Variants in ERBB4 observed in about 807,000 individuals in gnomAD.
ERBB4 encodes erb-b2 receptor tyrosine kinase 4.
In ERBB4, 42 loss-of-function variants were observed where a neutral mutation model predicts 158.0. That is an observed-to-expected ratio of 0.27 (90% CI 0.21 to 0.34). The LOEUF (loss-of-function observed/expected upper bound fraction) is 0.34, where lower values mean the gene tolerates loss of function less well. ERBB4 is among the 10% of genes least tolerant of loss of function. The probability of loss-of-function intolerance (pLI) is 1.00; values close to 1 mark genes in which losing one functional copy is unlikely to be tolerated. For synonymous variants in ERBB4, 583 were observed against 558.7 expected, an observed-to-expected ratio of 1.04 and a Z score of -0.61; for missense variants, 1,333 against 1,624.1, an observed-to-expected ratio of 0.82 and a Z score of 3.08.
intron 3 of ERBB4, among the ~76,000 whole-genome samples, chr2:211,918,414 C>CTG (rs1252915567): frequency 6.6e-6 from 1 of 152,080 alleles, no homozygotes; most frequent in Non-Finnish European, 1.5e-5. Flanking sequence ...AGAAACTGGT[C>CTG]TGTAACCTTC....
chr2:211,954,126 C>T (rs928571115), intron 2 of ERBB4, among the ~76,000 whole-genome samples: 4 of 151,944 alleles, frequency 2.6e-5, no homozygotes, highest in Non-Finnish European at 4.4e-5. Context: ...TGATATAAAT[C>T]CCTAATTCTT....
In ERBB4 at chr2:211,434,760, G is replaced by A. The variant is rs569653224; in HGVS notation, c.2488-3660C>T. Among the ~76,000 whole-genome samples, 16 of 152,268 alleles carry A rather than the reference G, an allele frequency of 1.1e-4. No homozygotes were observed. In the South Asian group the frequency reaches 2.7e-3, roughly 26 times the overall value. On this transcript the variant is annotated intron_variant, in intron 20 of 27. Transcript: ENST00000342788. ...ATCAATTTTTAAAAACTAGGTGACA[G>A]TCTCTAGACAGTTTCCCTCACCCAC...
At chr2:211,477,692 T>C (rs370812595) in intron 20 of ERBB4, among the ~76,000 whole-genome samples, 1 of 151,812 alleles carries the variant, frequency 6.6e-6, no homozygotes, top group Non-Finnish European at 1.5e-5. Flanking sequence ...AGAAGGAGGA[T>C]AATAGTCACT....
At chr2:212,514,112 C>T (rs1407998314) in intron 1 of ERBB4, among the ~76,000 whole-genome samples, 2 of 151,902 alleles carry the variant, frequency 1.3e-5, no homozygotes, top group Non-Finnish European at 2.9e-5. Context: ...ACTTTTTTCT[C>T]ACTTTATTTA....
chr2:211,915,455 A>C (rs888018628), intron 3 of ERBB4, among the ~76,000 whole-genome samples: 6 of 150,820 alleles, frequency 4.0e-5, no homozygotes, highest in African/African-American at 9.7e-5. Flanking sequence ...ATATATATAT[A>C]TCTCCAATAC....
chr2:212,299,749 A>C (rs1347242021), intron 1 of ERBB4, among the ~76,000 whole-genome samples: 3 of 151,678 alleles, frequency 2.0e-5, no homozygotes, highest in Non-Finnish European at 4.4e-5. Flanking sequence ...AGCGATAGCC[A>C]ACCAAACAGC....
intron 2 of ERBB4, among the ~76,000 whole-genome samples, chr2:211,970,385 A>G (rs901500293): frequency 3.3e-5 from 5 of 152,190 alleles, no homozygotes; most frequent in Admixed American, 3.3e-4. Flanking sequence ...AGAGTTCTAT[A>G]GATATCTATC....
intron 7 of ERBB4, among the ~76,000 whole-genome samples, chr2:211,716,601 G>A (rs1371244075): frequency 3.3e-5 from 5 of 151,924 alleles, no homozygotes; most frequent in African/African-American, 9.7e-5. Flanking sequence ...GCGTGAACCC[G>A]GGAGGCGGAG....
At chr2:212,096,663 G>T (rs2078942273) in intron 2 of ERBB4, among the ~76,000 whole-genome samples, 1 of 152,044 alleles carries the variant, frequency 6.6e-6, no homozygotes, top group Admixed American at 6.5e-5. Flanking sequence ...ATTTTTGCTA[G>T]TTGCAGGTTC....
chr2:212,168,133 A>C (rs2081406449), intron 1 of ERBB4, among the ~76,000 whole-genome samples: 1 of 152,000 alleles, frequency 6.6e-6, no homozygotes, highest in South Asian at 2.1e-4. Flanking sequence ...ACTGGTGAAA[A>C]TCAAGTCTTT....
chr2:212,003,212 A>AGAAAGAAAGAAAGAAG (rs2076173198), intron 2 of ERBB4, among the ~76,000 whole-genome samples: 5 of 40,482 alleles, frequency 1.2e-4, no homozygotes, highest in African/African-American at 3.2e-4. Flanking sequence ...AAAGACAGAA[A>AGAAAGAAAGAAAGAAG]GAAGGAAGGA....
intron 2 of ERBB4, among the ~76,000 whole-genome samples, chr2:212,119,263 T>C (rs927643427): frequency 3.9e-5 from 6 of 152,186 alleles, no homozygotes; most frequent in African/African-American, 1.4e-4. Context: ...CACTATATGA[T>C]CTACATTTCA....
chr2:212,060,647 C>T lies in ERBB4; in HGVS notation c.234+64105G>A, dbSNP rs187954258. On this transcript the variant is annotated intron_variant, in intron 2 of 27. Transcript: ENST00000342788. ...ATGCAGCCATAAAAAAGAATGAGTTCGTGTCCTTTGTAGGGACATGGATGA... is the reference window on the plus strand; with the variant it reads ...ATGCAGCCATAAAAAAGAATGAGTTTGTGTCCTTTGTAGGGACATGGATGA... Among the ~76,000 whole-genome samples, 423 of 93,130 alleles carry T rather than the reference C, an allele frequency of 4.5e-3. 6 individuals are homozygous for T. The highest frequency in any genetic ancestry group is 0.011 in the African/African-American group (373 of 35,254). 61.1% of individuals were successfully genotyped at this position (93,130 alleles called of 152,430 possible).
rs775957581 is a variant in ERBB4, at chr2:212,441,411, AC to A, written c.82+97037del. On this transcript the variant is annotated intron_variant, in intron 1 of 27. Coordinates refer to ENST00000342788, the MANE Select transcript of ERBB4 (RefSeq NM_005235.3). The stretch of plus-strand genomic sequence containing the variant: ...ATAATGTTGATTCTCCTCAGGAGCC[AC>A]CCCCATCACCTCTGTTTGCTTCTAG... Among the ~76,000 whole-genome samples, 70 of 152,018 alleles carry A rather than the reference AC, an allele frequency of 4.6e-4. 1 individual carries two copies. Among genetic ancestry groups the A allele is most frequent in the Admixed American group, 9.8e-4 (15 of 15,260 alleles).
At chr2:211,764,178 T>C (rs2075490041) in intron 4 of ERBB4, among the ~76,000 whole-genome samples, 1 of 152,166 alleles carries the variant, frequency 6.6e-6, no homozygotes, top group East Asian at 1.9e-4. Context: ...ATTTTAAAAA[T>C]CTGATTCCAT....
intron 1 of ERBB4, among the ~76,000 whole-genome samples, chr2:212,126,891 T>C (rs569227729): frequency 6.6e-6 from 1 of 152,174 alleles, no homozygotes. Flanking sequence ...TTTTTGCCTA[T>C]GAACACATCG....
chr2:211,671,467 A>G (rs1433645558), intron 14 of ERBB4, among the ~76,000 whole-genome samples: 2 of 152,172 alleles, frequency 1.3e-5, no homozygotes, highest in Non-Finnish European at 2.9e-5. Context: ...AGAAAATTGT[A>G]ATAAGATATT....
chr2:211,830,965 G>C (rs1042634829), intron 3 of ERBB4, among the ~76,000 whole-genome samples: 1 of 151,540 alleles, frequency 6.6e-6, no homozygotes, highest in African/African-American at 2.4e-5. Context: ...ACATATACCA[G>C]GATGAAAATA....
At chr2:211,831,300 T>C (rs2077213734) in intron 3 of ERBB4, among the ~76,000 whole-genome samples, 1 of 152,094 alleles carries the variant, frequency 6.6e-6, no homozygotes, top group South Asian at 2.1e-4. Flanking sequence ...AATACTGAAA[T>C]AGATGTTTTA....
Sources: allele counts gnomAD v4.1 joint callset (sites outside exome capture counted in the v4.1 genomes callset), GRCh38; gene constraint gnomAD v4.1.1; transcripts MANE v1.5; gene names NCBI Gene and HGNC (gene_info 2026-07-23, HGNC 2026-07-21).